Variants in MILR1 observed in about 807,000 individuals in gnomAD.
MILR1 encodes the protein allergin-1.
MILR1 carries 31 observed loss-of-function variants against 18.5 expected under a neutral mutation model. The observed-to-expected ratio is 1.68, with a 90% CI of 1.26 to 2.26. The LOEUF is 2.26. Among genes scored for constraint, MILR1 ranks in the 30% most tolerant of loss-of-function variants. The pLI, the probability that MILR1 is intolerant of heterozygous loss-of-function variation, is 0.00. For synonymous variants in MILR1, 85 were observed against 56.2 expected, an observed-to-expected ratio of 1.51 and a Z score of -2.30; for missense variants, 257 against 157.4, an observed-to-expected ratio of 1.63 and a Z score of -3.38.
At chr17:64,491,457 C>A in the MILR1 span, 1 of 957,516 alleles carries the variant, frequency 1.0e-6, no homozygotes, top group African/African-American at 1.6e-5. Flanking sequence ...TTGCAGTGAG[C>A]TGTGATTGTG....
rs2037602346 is a variant in MILR1, at chr17:64,467,564, G to C, written c.980-1G>C. 6.6e-7 allele frequency: 1 copy of C among 1,516,378 alleles called. No homozygotes were observed. Among genetic ancestry groups the C allele is most frequent in the Non-Finnish European group, 9.0e-7 (1 of 1,111,934 alleles). The allele number at this position is 1,516,378 out of a possible 1,614,324, so 93.9% of individuals were successfully genotyped here. On this transcript the variant is annotated splice_acceptor_variant, in intron 8 of 9. Coordinates refer to ENST00000619286, the MANE Select transcript of MILR1 (RefSeq NM_001085423.2). LOFTEE classifies it high-confidence loss of function. ...AAATTATTTTCCCTTTTATATTTCA[G>C]AAGCCTGTGATTCTTATAAATCTGG...
the MILR1 span, chr17:64,490,555 C>A: frequency 2.0e-6 from 1 of 504,644 alleles, no homozygotes; most frequent in East Asian, 3.7e-5. Context: ...AGATCTTGGA[C>A]CTATAAATGC....
Position 64,452,702 on chromosome 17 carries a change from C to A in MILR1, c.203C>A (p.Ser68Ter). 2.1e-6 allele frequency: 1 copy of A among 474,934 alleles called. No individual in the cohort carries two copies. Among genetic ancestry groups the A allele is most frequent in the Non-Finnish European group, 3.9e-6 (1 of 258,884 alleles). 29.4% of individuals were successfully genotyped at this position (474,934 alleles called of 1,614,324 possible). A position where few individuals can be genotyped will look rare whatever the true frequency, so the allele number is the denominator to read the frequency against. ...AACAAATCACTGCAGATCACCTATT[C>A]ATTGTTTCGACGTAAGACACACCTG... ...HKNKSLQITY[S>*]LFRRKTHLGT... is the part of the protein sequence containing the mutation. Residue 68 changes from serine (S) to a stop codon, truncating the protein, a stop_gained, in exon 3 of 10, where the codon TCA becomes TAA. Transcript: ENST00000619286. LOFTEE classifies it high-confidence loss of function.
At chr17:64,474,383 T>A in the MILR1 span, among the ~76,000 whole-genome samples, 1 of 151,972 alleles carries the variant, frequency 6.6e-6, no homozygotes, top group African/African-American at 2.4e-5. Context: ...CCTTATTTTT[T>A]ATTTTTTTTG....
chr17:64,466,539 G>T (rs1555663272), intron 7 of MILR1, 41 bp downstream of exon 7: 3 of 1,611,812 alleles, frequency 1.9e-6, no homozygotes, highest in African/African-American at 2.7e-5. Flanking sequence ...GCCCTCATGC[G>T]CTTAGAAATT....
chr17:64,496,811 T>C, the MILR1 span: 3 of 1,613,782 alleles, frequency 1.9e-6, no homozygotes, highest in Non-Finnish European at 2.5e-6. Context: ...GTGCTCGCCG[T>C]TCCCCTCGAG....
At chr17:64,491,857 C>T in the MILR1 span, 6 of 320,144 alleles carry the variant, frequency 1.9e-5, no homozygotes, top group East Asian at 2.5e-4. Flanking sequence ...AACACAATCT[C>T]GATTGTTGCT....
chr17:64,472,202 C>T (rs752218921), downstream of MILR1, among the ~76,000 whole-genome samples: 33 of 151,672 alleles, frequency 2.2e-4, no homozygotes, highest in African/African-American at 7.3e-4. Context: ...AACTAGGGGC[C>T]GGGCGCAGTG....
At chr17:64,464,116 A>ATTTT (rs1182677616) in intron 5 of MILR1, among the ~76,000 whole-genome samples, 2 of 100,858 alleles carry the variant, frequency 2.0e-5, no homozygotes, top group African/African-American at 4.0e-5. Context: ...CGCGCCTGAC[A>ATTTT]TTTTTTTTTT....
the MILR1 span, chr17:64,496,964 C>G: frequency 8.1e-6 from 13 of 1,604,998 alleles, no homozygotes; most frequent in Non-Finnish European, 1.1e-5. Flanking sequence ...TACACGAGAG[C>G]GCATCTCTCT....
At chr17:64,475,965 C>T in the MILR1 span, among the ~76,000 whole-genome samples, 2 of 151,758 alleles carry the variant, frequency 1.3e-5, no homozygotes. Flanking sequence ...AGGCGCCCAC[C>T]ACCACGCCCA....
chr17:64,476,632 A>G, the MILR1 span, among the ~76,000 whole-genome samples: 1 of 152,166 alleles, frequency 6.6e-6, no homozygotes, highest in South Asian at 2.1e-4. Flanking sequence ...TGATCACTAC[A>G]TAGAATTAGT....
At chr17:64,469,308 G>T (rs1488269271), downstream of MILR1, among the ~76,000 whole-genome samples, 4 of 152,158 alleles carry the variant, frequency 2.6e-5, no homozygotes, top group Non-Finnish European at 5.9e-5. Context: ...GGACCACTCA[G>T]CTGTAGAGTC....
chr17:64,450,052 C>T (rs2037132469), intron 2 of MILR1, among the ~76,000 whole-genome samples: 1 of 151,906 alleles, frequency 6.6e-6, no homozygotes, highest in Admixed American at 6.6e-5. Flanking sequence ...GATTCTCCTG[C>T]CTCAGCCTCC....
chr17:64,452,867 G>T lies in MILR1; in HGVS notation c.367+1G>T. On this transcript the variant is annotated splice_donor_variant, in intron 3 of 9. Transcript: ENST00000619286. LOFTEE classifies it high-confidence loss of function. The stretch of plus-strand genomic sequence containing the variant: ...CGTGACTTCAGCTTCACGATTGTCG[G>T]TAAGTAGAGTGCCTGTTCCTTGGAG... The T allele has an allele frequency of 2.1e-6, 1 of 474,922 alleles. No individual in the cohort carries two copies. The highest frequency in any genetic ancestry group is 3.2e-5 in the Admixed American group (1 of 31,678). 29.4% of individuals were successfully genotyped at this position (474,922 alleles called of 1,614,324 possible).
chr17:64,478,018 G>A, the MILR1 span: 1 of 1,604,044 alleles, frequency 6.2e-7, no homozygotes, highest in Non-Finnish European at 8.5e-7. Flanking sequence ...ACAGACACAT[G>A]AGCACAAATG....
the MILR1 span, chr17:64,496,409 T>G: frequency 6.4e-7 from 1 of 1,568,024 alleles, no homozygotes; most frequent in South Asian, 1.1e-5. Context: ...AAGCATACCG[T>G]GAAGAAGGTT....
intron 3 of MILR1, among the ~76,000 whole-genome samples, chr17:64,455,306 C>T (rs2037266522): frequency 6.6e-6 from 1 of 152,114 alleles, no homozygotes; most frequent in South Asian, 2.1e-4. Flanking sequence ...TAGGCCAGAT[C>T]AATAGGCACT....
the MILR1 span, among the ~76,000 whole-genome samples, chr17:64,473,722 T>G: frequency 6.6e-6 from 1 of 152,136 alleles, no homozygotes; most frequent in Non-Finnish European, 1.5e-5. Flanking sequence ...GGGTAAAAAT[T>G]TATCATAAAA....
Sources: gnomAD v4.1 joint callset for allele counts (sites outside exome capture counted in the v4.1 genomes callset) on GRCh38, gnomAD v4.1.1 for gene constraint, MANE v1.5 for transcripts, NCBI Gene and HGNC (gene_info 2026-07-23, HGNC 2026-07-21) for gene names.